The following ERC2 variants were observed in gnomAD, a reference collection of about 807,000 sequenced individuals.
ERC2 encodes ERC protein 2.
ERC2 carries 42 observed loss-of-function variants against 114.8 expected under a neutral mutation model. The observed-to-expected ratio is 0.37, with a 90% CI of 0.29 to 0.47. The LOEUF (loss-of-function observed/expected upper bound fraction) is 0.47. ERC2 is among the 20% of genes least tolerant of loss of function. ERC2 has a pLI of 0.99. For missense variants in ERC2, 939 were observed against 1,150.7 expected (o/e 0.82, Z 2.66); for synonymous variants, 454 against 425.5 (o/e 1.07, Z -0.82).
chr3:55,851,571 T>C (rs1472215492), intron 14 of ERC2, among the ~76,000 whole-genome samples: 1 of 152,176 alleles, frequency 6.6e-6, no homozygotes, highest in Non-Finnish European at 1.5e-5. Context: ...ATGTGAGGCA[T>C]GTTAATAACT....
chr3:55,615,851 G>C (rs1018799027), intron 17 of ERC2, among the ~76,000 whole-genome samples: 1 of 152,178 alleles, frequency 6.6e-6, no homozygotes, highest in Admixed American at 6.5e-5. Flanking sequence ...ACTGCCTGCC[G>C]AGCCATTTGG....
chr3:55,690,848 C>T (rs183799833), intron 16 of ERC2, among the ~76,000 whole-genome samples: 56 of 152,338 alleles, frequency 3.7e-4, no homozygotes, highest in African/African-American at 1.3e-3. Context: ...TAGCATCGCA[C>T]CCAGATTAAA....
chr3:55,624,200 T>C (rs1210870318), intron 17 of ERC2, among the ~76,000 whole-genome samples: 1 of 152,012 alleles, frequency 6.6e-6, no homozygotes. Context: ...AGCACAGAGA[T>C]GTGAAAAAAG....
chr3:55,782,281 T>C (rs1333593574), intron 14 of ERC2, among the ~76,000 whole-genome samples: 1 of 152,202 alleles, frequency 6.6e-6, no homozygotes, highest in African/African-American at 2.4e-5. Flanking sequence ...CTGGGTACTT[T>C]GGATTGCTAA....
intron 4 of ERC2, among the ~76,000 whole-genome samples, chr3:56,156,699 C>A (rs2081742232): frequency 6.6e-6 from 1 of 152,136 alleles, no homozygotes; most frequent in Non-Finnish European, 1.5e-5. Flanking sequence ...CTTTCTACAT[C>A]CCTAGTGCAT....
chr3:55,511,316 T>C (rs1242622551), intron 17 of ERC2, 40 bp from the exon 18 acceptor site: 1 of 152,544 alleles, frequency 6.6e-6, no homozygotes, highest in Non-Finnish European at 1.5e-5. Flanking sequence ...GGGAAGAAAC[T>C]GGCAACAATA....
chr3:56,367,221 TA>T (rs1219359409), intron 2 of ERC2, among the ~76,000 whole-genome samples: 2 of 151,148 alleles, frequency 1.3e-5, no homozygotes, highest in Non-Finnish European at 2.9e-5. Flanking sequence ...GAAAGGGGCT[TA>T]GGGGAAAAAG....
chr3:55,833,787 A>G (rs184855131), intron 14 of ERC2, among the ~76,000 whole-genome samples: 6 of 152,318 alleles, frequency 3.9e-5, no homozygotes, highest in African/African-American at 1.2e-4. Context: ...AATGGACAAA[A>G]TGCTCCAATT....
At chr3:56,195,888 A>C (rs1261427351) in intron 3 of ERC2, among the ~76,000 whole-genome samples, 1 of 152,104 alleles carries the variant, frequency 6.6e-6, no homozygotes, top group Non-Finnish European at 1.5e-5. Context: ...TACTGTCTGC[A>C]CTTAACATTG....
chr3:55,783,924 C>A (rs185003161), intron 14 of ERC2, among the ~76,000 whole-genome samples: 2 of 152,086 alleles, frequency 1.3e-5, no homozygotes, highest in Non-Finnish European at 2.9e-5. Flanking sequence ...CTATCTTTCA[C>A]CCCTAACTAC....
At chr3:55,744,884 T>C (rs1271314219) in intron 14 of ERC2, among the ~76,000 whole-genome samples, 1 of 152,200 alleles carries the variant, frequency 6.6e-6, no homozygotes, top group South Asian at 2.1e-4. Context: ...AATTAAGGGA[T>C]CACGCATGTA....
At chr3:56,413,301 G>C (rs957144121) in intron 2 of ERC2, among the ~76,000 whole-genome samples, 1 of 152,214 alleles carries the variant, frequency 6.6e-6, no homozygotes, top group African/African-American at 2.4e-5. Flanking sequence ...TCAGGACAGG[G>C]CCTTGCCAAG....
chr3:55,540,701 C>A (rs530740744), intron 17 of ERC2, among the ~76,000 whole-genome samples: 1 of 152,210 alleles, frequency 6.6e-6, no homozygotes, highest in Non-Finnish European at 1.5e-5. Flanking sequence ...CTCAAAGCCA[C>A]ATTCACACAA....
chr3:56,324,028 C>G lies in ERC2; in HGVS notation c.658-27593G>C, dbSNP rs576379252. On this transcript the variant is annotated intron_variant, in intron 2 of 17. Transcript: ENST00000288221. The stretch of plus-strand genomic sequence containing the variant: ...CACCTACAACCGTGTGTTCTGTGGT[C>G]TTCTTATCCTCAGCAGCAGCACATC... Among the ~76,000 whole-genome samples, 3 of 152,296 alleles carry G rather than the reference C, an allele frequency of 2.0e-5. No individual in the cohort carries two copies. In the East Asian group the frequency reaches 5.8e-4, roughly 29 times the overall value.
chr3:55,884,696 C>T (rs2063283325), intron 14 of ERC2, among the ~76,000 whole-genome samples: 1 of 152,080 alleles, frequency 6.6e-6, no homozygotes, highest in Non-Finnish European at 1.5e-5. Flanking sequence ...TGGTGAATTC[C>T]TTATGAGTAA....
intron 3 of ERC2, among the ~76,000 whole-genome samples, chr3:56,244,780 G>A: frequency 6.6e-6 from 1 of 152,150 alleles, no homozygotes. Context: ...GTAATATACA[G>A]TAGTGTCCTA....
chr3:55,536,240 ACAAACT>A (rs2053992829), intron 17 of ERC2, among the ~76,000 whole-genome samples: 1 of 151,988 alleles, frequency 6.6e-6, no homozygotes, highest in African/African-American at 2.4e-5. Flanking sequence ...CCTTCACTGG[ACAAACT>A]CAAACTCACT....
At chr3:55,850,452 A>G (rs1380456200) in intron 14 of ERC2, among the ~76,000 whole-genome samples, 1 of 152,220 alleles carries the variant, frequency 6.6e-6, no homozygotes. Context: ...AACTATTTAT[A>G]GAGGAAGAAG....
At chr3:55,730,547 G>A (rs957955919) in intron 15 of ERC2, among the ~76,000 whole-genome samples, 2 of 152,190 alleles carry the variant, frequency 1.3e-5, no homozygotes, top group African/African-American at 4.8e-5. Flanking sequence ...GTCTGGGAAG[G>A]GGAGAGATTT....
Sources: allele counts gnomAD v4.1 joint callset (sites outside exome capture counted in the v4.1 genomes callset), GRCh38; gene constraint gnomAD v4.1.1; transcripts MANE v1.5; gene names NCBI Gene and HGNC (gene_info 2026-07-23, HGNC 2026-07-21).